The following LIPF variants were observed in gnomAD, a reference collection of about 807,000 sequenced individuals.
LIPF encodes lipase F, gastric type.
Under a neutral mutation model 38.0 loss-of-function variants are expected in LIPF, and 25 were observed. That is an observed-to-expected ratio of 0.66 (90% CI 0.48 to 0.92). The LOEUF (loss-of-function observed/expected upper bound fraction) is 0.92. Among genes scored for constraint, LIPF ranks in the 40% least tolerant of loss-of-function variants. The pLI is 0.00. For synonymous variants in LIPF, 161 were observed against 156.2 expected (o/e 1.03, Z -0.23); for missense variants, 410 against 469.9 (o/e 0.87, Z 1.18).
intron 1 of LIPF, among the ~76,000 whole-genome samples, chr10:88,666,469 C>G (rs1841513275): frequency 6.6e-6 from 1 of 152,148 alleles, no homozygotes; most frequent in African/African-American, 2.4e-5. Flanking sequence ...TCTATTGAAG[C>G]TTTTTCACCA....
At chr10:88,670,083 A>C (rs1030415247) in intron 5 of LIPF, 137 bp downstream of exon 5, 2 of 647,382 alleles carry the variant, frequency 3.1e-6, no homozygotes, top group Admixed American at 2.5e-5. Context: ...CATAGGGACA[A>C]TTATAATTCC....
At chr10:88,670,037 C>A in intron 5 of LIPF, 91 bp downstream of exon 5, 1 of 751,402 alleles carries the variant, frequency 1.3e-6, no homozygotes, top group Non-Finnish European at 2.3e-6. Flanking sequence ...ACACTAATTG[C>A]TTTCCATTCA....
chr10:88,672,575 C>T (rs1213072993), intron 6 of LIPF, among the ~76,000 whole-genome samples: 1 of 148,536 alleles, frequency 6.7e-6, no homozygotes, highest in Non-Finnish European at 1.5e-5. Context: ...TGGAATTAAT[C>T]GTTTTGTTTG....
At chr10:88,671,666 T>C (rs1271643514) in intron 5 of LIPF, among the ~76,000 whole-genome samples, 163 bp from the exon 6 acceptor site, 6 of 152,244 alleles carry the variant, frequency 3.9e-5, no homozygotes, top group African/African-American at 4.8e-5. Context: ...AAAACAAATA[T>C]ACCAAAATCT....
In LIPF at chr10:88,675,613, A is replaced by T. The variant is rs1235880446; in HGVS notation, c.844A>T (p.Asn282Tyr). 1.2e-6 allele frequency: 2 copies of T among 1,612,768 alleles called. No individual in the cohort carries two copies. Among genetic ancestry groups the T allele is most frequent in the Non-Finnish European group, 1.7e-6 (2 of 1,178,936 alleles). The change falls in exon 8 of 10, where the codon AAT becomes TAT. Residue 282 changes from asparagine (N) to tyrosine (Y), a missense_variant. Transcript: ENST00000238983. The stretch of plus-strand genomic sequence containing the variant: ...TCGCTTGGATGTGTATCTATCACAT[A>T]ATCCAGCAGGAACTTCTGTTCAAAA... ...TSRLDVYLSH[N>Y]PAGTSVQNMF...
Position 88,673,573 on chromosome 10 carries a change from G to A in LIPF, c.670-15G>A, listed in dbSNP as rs773359043. 1.9e-6 allele frequency: 3 copies of A among 1,599,056 alleles called. No individual in the cohort carries two copies. Among genetic ancestry groups the A allele is most frequent in the Non-Finnish European group, 2.6e-6 (3 of 1,170,280 alleles). ...TTGATTGCTACAACCCTCTAATAGT[G>A]CCTTTATTTTTCAGTTTATATTTGG... On this transcript the variant is annotated splice_polypyrimidine_tract_variant and intron_variant, in intron 6 of 9. Coordinates refer to ENST00000238983, the MANE Select transcript of LIPF (RefSeq NM_004190.4).
At chr10:88,671,629 T>C (rs1166858751) in intron 5 of LIPF, among the ~76,000 whole-genome samples, 200 bp from the exon 6 acceptor site, 2 of 152,138 alleles carry the variant, frequency 1.3e-5, no homozygotes, top group Non-Finnish European at 2.9e-5. Flanking sequence ...TCCAGCCTCA[T>C]GTCCCCATAG....
At chr10:88,678,373 C>CT in intron 9 of LIPF, 72 bp from the exon 10 acceptor site, 2 of 1,093,666 alleles carry the variant, frequency 1.8e-6, no homozygotes, top group South Asian at 2.5e-5. Flanking sequence ...GTTATACACT[C>CT]TACTTGAATA....
Position 88,678,627 on chromosome 10 carries a change from C to T in LIPF, c.1143C>T (p.Ala381=). 1.2e-6 allele frequency: 2 copies of T among 1,613,388 alleles called. No homozygotes were observed. The highest frequency in any genetic ancestry group is 1.7e-6 in the Non-Finnish European group (2 of 1,179,464). Residue 381 remains alanine (A), a synonymous_variant, in exon 10 of 10, where the codon GCC becomes GCT. Transcript: ENST00000238983. ...TGGACTTTATCTGGGCAATGGATGC[C>T]CCTCAAGAAGTTTACAATGACATTG... The part of the protein sequence containing the change: ...NHLDFIWAMD[A]PQEVYNDIVS...
rs576366921 is a variant in LIPF at position 88,671,061 on chromosome 10, A to G, written c.533-768A>G. On this transcript the variant is annotated intron_variant, in intron 5 of 9. Transcript: ENST00000238983. ...TATTGACAGTGGGAGGGCCTTGCCT[A>G]TGTAGCTATACTGCAGCGTTAAACT... is the stretch of plus-strand genomic sequence containing the variant. Among the ~76,000 whole-genome samples, 34 of 152,324 alleles carry G rather than the reference A, an allele frequency of 2.2e-4. No homozygotes were observed. The South Asian group carries it at 6.2e-3, about 28-fold the overall frequency.
intron 7 of LIPF, among the ~76,000 whole-genome samples, chr10:88,675,045 T>C (rs940095389): frequency 6.6e-6 from 1 of 152,176 alleles, no homozygotes; most frequent in African/African-American, 2.4e-5. Context: ...CAGAAGACCA[T>C]CTTCAGTCTC....
At chr10:88,672,039 A>G in intron 6 of LIPF, 74 bp downstream of exon 6, 1 of 1,333,582 alleles carries the variant, frequency 7.5e-7, no homozygotes, top group Non-Finnish European at 1.0e-6. Flanking sequence ...TAGAAAGAGA[A>G]CAGAGTTATA....
intron 9 of LIPF, 142 bp downstream of exon 9, chr10:88,676,422 T>G (rs1000542651): frequency 1.6e-6 from 1 of 621,588 alleles, no homozygotes; most frequent in African/African-American, 1.9e-5. Flanking sequence ...CACATGACTA[T>G]GCATTCCTGC....
chr10:88,672,091 C>G, intron 6 of LIPF, 126 bp downstream of exon 6: 1 of 896,470 alleles, frequency 1.1e-6, no homozygotes, highest in Non-Finnish European at 1.7e-6. Flanking sequence ...TGGAACTGTT[C>G]GCATCTGTAT....
chr10:88,670,046 C>A, intron 5 of LIPF, 100 bp downstream of exon 5: 2 of 707,334 alleles, frequency 2.8e-6, no homozygotes, highest in South Asian at 1.8e-5. Flanking sequence ...GCTTTCCATT[C>A]ATTTAATGCC....
chr10:88,668,164 A>G (rs1427778573), intron 3 of LIPF, among the ~76,000 whole-genome samples: 1 of 152,136 alleles, frequency 6.6e-6, no homozygotes, highest in Non-Finnish European at 1.5e-5. Flanking sequence ...TTTCACTAGT[A>G]CTATTAAAAA....
At chr10:88,673,298 C>G (rs1008692415) in intron 6 of LIPF, among the ~76,000 whole-genome samples, 2 of 152,194 alleles carry the variant, frequency 1.3e-5, no homozygotes, top group African/African-American at 2.4e-5. Flanking sequence ...TATCCCACAA[C>G]TCCTATCACC....
chr10:88,673,493 T>A (rs188888538), intron 6 of LIPF, 95 bp from the exon 7 acceptor site: 1 of 899,930 alleles, frequency 1.1e-6, no homozygotes, highest in Non-Finnish European at 1.7e-6. Flanking sequence ...TATATCATCA[T>A]CCTCATCACA....
At chr10:88,676,344 A>G in intron 9 of LIPF, 64 bp downstream of exon 9, 1 of 1,013,322 alleles carries the variant, frequency 9.9e-7, no homozygotes, top group Admixed American at 2.3e-5. Flanking sequence ...TTAAATGTTA[A>G]AGAAGAAATT....
Sources: allele counts gnomAD v4.1 joint callset (sites outside exome capture counted in the v4.1 genomes callset), GRCh38; gene constraint gnomAD v4.1.1; transcripts MANE v1.5; gene names NCBI Gene and HGNC (gene_info 2026-07-23, HGNC 2026-07-21).